Variants in SPON1 observed in about 807,000 individuals in gnomAD.
The protein encoded by SPON1 is spondin-1.
SPON1 carries 52 observed loss-of-function variants against 111.7 expected under a neutral mutation model. The observed-to-expected ratio is 0.47, with a 90% CI of 0.37 to 0.59. SPON1 has a LOEUF of 0.59. Among genes scored for constraint, SPON1 ranks in the 20% least tolerant of loss-of-function variants. SPON1 has a pLI of 0.00. For synonymous variants in SPON1, 410 were observed against 395.8 expected (o/e 1.04, Z -0.43); for missense variants, 957 against 1,068.5 (o/e 0.90, Z 1.46).
At chr11:14,052,490 A>T (rs1246099677) in intron 3 of SPON1, among the ~76,000 whole-genome samples, 1 of 152,222 alleles carries the variant, frequency 6.6e-6, no homozygotes, top group Non-Finnish European at 1.5e-5. Flanking sequence ...GTTTTACTTC[A>T]GGCAGCCTAG....
At position 14,243,375 on chromosome 11, in the gene SPON1, C is replaced by T. The variant is rs782094343; in HGVS notation, c.869C>T (p.Pro290Leu). 15 of 1,576,754 alleles carry T rather than the reference C, an allele frequency of 9.5e-6. No individual in the cohort carries two copies. The highest frequency in any genetic ancestry group is 1.3e-5 in the Non-Finnish European group (15 of 1,160,688). Residue 290 changes from proline (P) to leucine (L), a missense_variant, in exon 7 of 16, where the codon CCA becomes CTA. By Grantham distance (98) the Pro-to-Leu change is moderately conservative. Around this residue, in one of 5 missense-constraint regions of SPON1, gnomAD observed 122 missense variants for 143.2 expected, o/e 0.85. Coordinates refer to ENST00000576479, the MANE Select transcript of SPON1 (RefSeq NM_006108.4). The part of the protein sequence containing the change: ...LTVIKAKAQW[P>L]AWQPLNVRAA... ...GTCATCAAAGCCAAAGCCCAATGGC[C>T]AGCCTGGCAGCCTCTCAACGTGTAA...
intron 5 of SPON1, among the ~76,000 whole-genome samples, chr11:14,091,704 C>T (rs985537679): frequency 1.3e-5 from 2 of 152,142 alleles, no homozygotes; most frequent in African/African-American, 4.8e-5. Flanking sequence ...CTCGCTCGCA[C>T]CTTTCCCTCC....
In SPON1 at chr11:14,030,405, ACTT is replaced by A. The variant is rs201583645; in HGVS notation, c.346-11113_346-11111del. Among the ~76,000 whole-genome samples the A allele has an allele frequency of 2.1e-3, 321 of 152,160 alleles. 2 individuals carry two copies. Among genetic ancestry groups the A allele is most frequent in the African/African-American group, 7.3e-3 (305 of 41,522 alleles). On this transcript the variant is annotated intron_variant, in intron 2 of 15. Coordinates refer to ENST00000576479, the MANE Select transcript of SPON1 (RefSeq NM_006108.4). ...GCAATCTGGTGTTTCTCAGGACTAA[ACTT>A]CTGTGGATTGGATGCCACATGCCCG...
intron 6 of SPON1, among the ~76,000 whole-genome samples, chr11:14,215,224 G>A (rs1443366224): frequency 6.6e-6 from 1 of 152,032 alleles, no homozygotes; most frequent in Admixed American, 6.6e-5. Flanking sequence ...AGCCCACTCT[G>A]CCATTTGTAA....
At chr11:14,025,812 C>T (rs896408997) in intron 2 of SPON1, among the ~76,000 whole-genome samples, 1 of 152,040 alleles carries the variant, frequency 6.6e-6, no homozygotes. Context: ...AAGGCCAGAG[C>T]CCCCAGAGGT....
intron 1 of SPON1, among the ~76,000 whole-genome samples, chr11:13,977,469 G>A (rs530406749): frequency 6.6e-6 from 1 of 152,130 alleles, no homozygotes; most frequent in East Asian, 1.9e-4. Flanking sequence ...TGGCCATTGG[G>A]CACCTTCTTT....
intron 6 of SPON1, among the ~76,000 whole-genome samples, chr11:14,146,980 G>A (rs1591388737): frequency 1.7e-5 from 2 of 117,680 alleles, no homozygotes; most frequent in Admixed American, 8.7e-5. Context: ...ATTTTTAAAT[G>A]AAAACATAAA....
chr11:14,025,253 GTCCACCTAGTTTGCCTTCATGAA>G (rs1311584026), intron 2 of SPON1, among the ~76,000 whole-genome samples: 1 of 152,208 alleles, frequency 6.6e-6, no homozygotes, highest in Non-Finnish European at 1.5e-5. Flanking sequence ...TACCATGGCA[GTCCACCTAGTTTGCCTTCATGAA>G]TCGATTTCCT....
Position 14,260,685 on chromosome 11 carries a change from T to G in SPON1, c.1929T>G (p.Ser643=). The change falls in exon 14 of 16, where the codon TCT becomes TCG. Residue 643 remains serine (S), a synonymous_variant. Coordinates refer to ENST00000576479, the MANE Select transcript of SPON1 (RefSeq NM_006108.4). The part of the protein sequence containing the change: ...GMRTRQRMLK[S]LAELGDCNED... ...GAACCCGACAGCGGATGCTCAAGTCTCTGGCAGAACTTGGAGACTGCAATG... is the reference window on the plus strand; with the variant it reads ...GAACCCGACAGCGGATGCTCAAGTCGCTGGCAGAACTTGGAGACTGCAATG... 4 of 1,613,998 alleles carry G rather than the reference T, an allele frequency of 2.5e-6. No homozygotes were observed. Among genetic ancestry groups the G allele is most frequent in the Non-Finnish European group, 3.4e-6 (4 of 1,179,894 alleles).
At chr11:14,147,886 G>T (rs782352486) in intron 6 of SPON1, among the ~76,000 whole-genome samples, 4 of 152,004 alleles carry the variant, frequency 2.6e-5, no homozygotes, top group Non-Finnish European at 5.9e-5. Context: ...CTCAGAAAAG[G>T]AAAATGAGAT....
At chr11:14,166,668 T>G (rs1848033509) in intron 6 of SPON1, among the ~76,000 whole-genome samples, 1 of 152,218 alleles carries the variant, frequency 6.6e-6, no homozygotes, top group African/African-American at 2.4e-5. Context: ...GGGTTACTTC[T>G]GTGGCATAAA....
Position 14,099,438 on chromosome 11 carries a change from TTG to T in SPON1, c.676+19419_676+19420del, listed in dbSNP as rs782222224. Among the ~76,000 whole-genome samples, 186 of 152,296 alleles carry T rather than the reference TTG, an allele frequency of 1.2e-3. 1 individual carries two copies. Among genetic ancestry groups the T allele is most frequent in the Non-Finnish European group, 1.8e-4 (12 of 68,034 alleles). On this transcript the variant is annotated intron_variant, in intron 5 of 15. Coordinates refer to ENST00000576479, the MANE Select transcript of SPON1 (RefSeq NM_006108.4). ...GACTTAGTATGCTGATTTTCCCATT[TTG>T]TTTTTTGTTTTTATTAATAATAAAT...
intron 5 of SPON1, among the ~76,000 whole-genome samples, chr11:14,083,182 A>G (rs1157800655): frequency 6.6e-6 from 1 of 152,240 alleles, no homozygotes; most frequent in East Asian, 1.9e-4. Flanking sequence ...AGAAATGTGA[A>G]AAGAGGATCA....
chr11:14,160,495 T>A (rs1489051610), intron 6 of SPON1, among the ~76,000 whole-genome samples: 1 of 10,886 alleles, frequency 9.2e-5, no homozygotes, highest in African/African-American at 3.2e-4. Context: ...ATATATATAT[T>A]TACATATATA....
At chr11:13,979,653 C>A (rs781934860) in intron 1 of SPON1, among the ~76,000 whole-genome samples, 2 of 152,208 alleles carry the variant, frequency 1.3e-5, no homozygotes, top group African/African-American at 2.4e-5. Flanking sequence ...TGATGCAAGG[C>A]AGCTGGACCT....
At chr11:14,247,958 A>C (rs150287697) in intron 7 of SPON1, among the ~76,000 whole-genome samples, 15 of 152,352 alleles carry the variant, frequency 9.8e-5, no homozygotes, top group Middle Eastern at 6.8e-3. Context: ...AATAGGAATC[A>C]AGGGCTTAGG....
chr11:14,242,042 G>A (rs1048259065), intron 6 of SPON1, among the ~76,000 whole-genome samples: 8 of 152,050 alleles, frequency 5.3e-5, no homozygotes, highest in African/African-American at 1.4e-4. Flanking sequence ...CCCAGACCAC[G>A]CTGGGTCTGG....
At chr11:14,185,704 G>A (rs1848279429) in intron 6 of SPON1, among the ~76,000 whole-genome samples, 2 of 152,248 alleles carry the variant, frequency 1.3e-5, no homozygotes, top group African/African-American at 2.4e-5. Flanking sequence ...CAGTTGAATG[G>A]ATTTTTCTTG....
intron 5 of SPON1, among the ~76,000 whole-genome samples, chr11:14,112,649 C>A (rs1849234830): frequency 6.6e-6 from 1 of 152,136 alleles, no homozygotes; most frequent in East Asian, 1.9e-4. Context: ...TATTTCTTGC[C>A]TTGGACCCCA....
Sources: gnomAD v4.1 joint callset for allele counts (sites outside exome capture counted in the v4.1 genomes callset) on GRCh38, gnomAD v4.1.1 for gene constraint, gnomAD v4.1.1 regional missense constraint, MANE v1.5 for transcripts, NCBI Gene and HGNC (gene_info 2026-07-23, HGNC 2026-07-21) for gene names.